Variants in EPHA6 observed in about 807,000 individuals in gnomAD.
The protein encoded by EPHA6 is ephrin type-A receptor 6.
In EPHA6, 50 loss-of-function variants were observed where a neutral mutation model predicts 112.0. That is an observed-to-expected ratio of 0.45 (90% CI 0.36 to 0.56). The LOEUF (loss-of-function observed/expected upper bound fraction) is 0.56. Among genes scored for constraint, EPHA6 ranks in the 20% least tolerant of loss-of-function variants. EPHA6 has a pLI of 0.00. For missense variants in EPHA6, 1,280 were observed against 1,417.4 expected (o/e 0.90, Z 1.56); for synonymous variants, 529 against 490.7 (o/e 1.08, Z -1.03).
chr3:97,300,158 T>C (rs187764063), intron 5 of EPHA6, among the ~76,000 whole-genome samples: 11 of 152,340 alleles, frequency 7.2e-5, no homozygotes, highest in African/African-American at 1.7e-4. Context: ...CCATTCTCTT[T>C]ATTATAGTCG....
At chr3:97,523,302 G>A (rs2092570982) in intron 10 of EPHA6, among the ~76,000 whole-genome samples, 1 of 152,068 alleles carries the variant, frequency 6.6e-6, no homozygotes, top group African/African-American at 2.4e-5. Context: ...TTGTACAGGA[G>A]TGTGATGTTT....
intron 11 of EPHA6, among the ~76,000 whole-genome samples, chr3:97,532,917 C>CA (rs1326941846): frequency 6.6e-6 from 1 of 151,902 alleles, no homozygotes; most frequent in Non-Finnish European, 1.5e-5. Flanking sequence ...ATGTCATATA[C>CA]AAATATAAAA....
intron 1 of EPHA6, among the ~76,000 whole-genome samples, chr3:96,845,747 G>C (rs998254741): frequency 1.7e-4 from 26 of 152,010 alleles, no homozygotes; most frequent in African/African-American, 4.8e-4. Flanking sequence ...GATATGAAGG[G>C]TAAGATTCCA....
At chr3:96,852,073 A>T (rs2035422860) in intron 1 of EPHA6, among the ~76,000 whole-genome samples, 1 of 152,132 alleles carries the variant, frequency 6.6e-6, no homozygotes, top group Admixed American at 6.5e-5. Flanking sequence ...ATTAATGGTG[A>T]TATGGTAGGA....
intron 5 of EPHA6, among the ~76,000 whole-genome samples, chr3:97,392,184 A>G (rs2086445129): frequency 6.6e-6 from 1 of 151,892 alleles, no homozygotes; most frequent in Admixed American, 6.6e-5. Flanking sequence ...ATATCTTAGA[A>G]TAAATATTCA....
intron 5 of EPHA6, among the ~76,000 whole-genome samples, chr3:97,247,620 G>C (rs1232039381): frequency 6.6e-6 from 1 of 151,896 alleles, no homozygotes; most frequent in South Asian, 2.1e-4. Context: ...GGATAATGGA[G>C]GAATTAGAGG....
At chr3:97,690,202 C>G (rs772253666) in intron 14 of EPHA6, among the ~76,000 whole-genome samples, 2 of 152,174 alleles carry the variant, frequency 1.3e-5, no homozygotes, top group Non-Finnish European at 2.9e-5. Context: ...CTGTGTTTAA[C>G]TTTTTGAAAA....
chr3:96,952,540 A>T (rs933711364), intron 2 of EPHA6, among the ~76,000 whole-genome samples: 6 of 152,152 alleles, frequency 3.9e-5, no homozygotes, highest in Non-Finnish European at 8.8e-5. Context: ...ACTCAGTATG[A>T]AAGATTTTAC....
chr3:97,052,003 A>T (rs926856868), intron 3 of EPHA6, among the ~76,000 whole-genome samples: 3 of 152,158 alleles, frequency 2.0e-5, no homozygotes, highest in Non-Finnish European at 4.4e-5. Context: ...GTATTTCGTT[A>T]TCATTATGTG....
chr3:97,415,790 C>T (rs2088076312), intron 6 of EPHA6, among the ~76,000 whole-genome samples: 1 of 151,972 alleles, frequency 6.6e-6, no homozygotes, highest in African/African-American at 2.4e-5. Flanking sequence ...CATTAAGCTC[C>T]CTGAAAAAAT....
intron 15 of EPHA6, among the ~76,000 whole-genome samples, chr3:97,726,942 C>T (rs369384578): frequency 6.6e-6 from 1 of 152,036 alleles, no homozygotes; most frequent in African/African-American, 2.4e-5. Context: ...TTAGCTCAAG[C>T]TAATGATCTA....
At chr3:97,514,509 C>T (rs182851915) in intron 10 of EPHA6, among the ~76,000 whole-genome samples, 6 of 152,206 alleles carry the variant, frequency 3.9e-5, no homozygotes, top group Admixed American at 3.9e-4. Context: ...ATGTAGTCAT[C>T]TTAGGGGAAG....
At chr3:97,437,333 G>C (rs1280963373) in intron 6 of EPHA6, among the ~76,000 whole-genome samples, 1 of 152,000 alleles carries the variant, frequency 6.6e-6, no homozygotes, top group Non-Finnish European at 1.5e-5. Flanking sequence ...ATTAATCAAA[G>C]GACCATGCAC....
At chr3:97,604,830 C>T (rs2093668834) in intron 12 of EPHA6, among the ~76,000 whole-genome samples, 2 of 151,490 alleles carry the variant, frequency 1.3e-5, no homozygotes, top group African/African-American at 4.8e-5. Flanking sequence ...ATTGATTTGC[C>T]ATTCTGTTAT....
rs1461024080 is a variant in EPHA6, at chr3:97,391,675, TAG to T, written c.1607-13470_1607-13469del. Among the ~76,000 whole-genome samples, 4 of 152,000 alleles carry T rather than the reference TAG, an allele frequency of 2.6e-5. No homozygotes were observed. In the South Asian group the frequency reaches 8.3e-4, roughly 32 times the overall value. ...GTCAATTGCTGGATGTCACAAGGAATAGAGAGTAAATGTTCTAGGAATTCAGA... is the reference window on the plus strand; with the variant it reads ...GTCAATTGCTGGATGTCACAAGGAATAGAGTAAATGTTCTAGGAATTCAGA... On this transcript the variant is annotated intron_variant, in intron 5 of 17. Coordinates refer to ENST00000389672, the MANE Select transcript of EPHA6 (RefSeq NM_001080448.3).
At chr3:96,967,574 A>G (rs569116875) in intron 2 of EPHA6, among the ~76,000 whole-genome samples, 1 of 151,860 alleles carries the variant, frequency 6.6e-6, no homozygotes, top group Admixed American at 6.6e-5. Flanking sequence ...CAAGTTTTTC[A>G]TGATTGATTA....
At chr3:96,847,126 T>G (rs1378395398) in intron 1 of EPHA6, among the ~76,000 whole-genome samples, 2 of 152,070 alleles carry the variant, frequency 1.3e-5, no homozygotes, top group Non-Finnish European at 2.9e-5. Context: ...CTAAATCCAG[T>G]AGAGTGAAAG....
chr3:97,554,354 T>G (rs1235705543), intron 11 of EPHA6, among the ~76,000 whole-genome samples: 1 of 152,084 alleles, frequency 6.6e-6, no homozygotes, highest in Non-Finnish European at 1.5e-5. Context: ...GTAGACACAT[T>G]TATATCTACA....
rs541904306 is a variant in EPHA6 at position 97,390,700 on chromosome 3, A to G, written c.1607-14450A>G. On this transcript the variant is annotated intron_variant, in intron 5 of 17. Transcript: ENST00000389672. ...AGGGTAAGCTGTGATATCCTACAAA[A>G]TCTATGGAACTCAGCAAAATTTCAC... is the stretch of plus-strand genomic sequence containing the variant. 3.9e-5 allele frequency among the ~76,000 whole-genome samples: 6 copies of G among 152,160 alleles called. No homozygotes were observed. In the South Asian group the frequency reaches 1.2e-3, roughly 32 times the overall value.
Sources: allele counts gnomAD v4.1 joint callset (sites outside exome capture counted in the v4.1 genomes callset), GRCh38; gene constraint gnomAD v4.1.1; transcripts MANE v1.5; gene names NCBI Gene and HGNC (gene_info 2026-07-23, HGNC 2026-07-21).